TENM3: variants seen among roughly 807,000 people sequenced by gnomAD.
TENM3 encodes teneurin-3.
A neutral mutation model predicts 255.1 loss-of-function variants in TENM3; 63 were observed. The ratio of observed to expected loss-of-function variants is 0.25; its 90% CI spans 0.20 to 0.30. The LOEUF (loss-of-function observed/expected upper bound fraction) is 0.30, where lower values mean the gene tolerates loss of function less well. Among genes scored for constraint, TENM3 ranks in the 10% least tolerant of loss-of-function variants. TENM3 has a pLI of 1.00. For missense variants in TENM3, 2,929 were observed against 3,461.1 expected (o/e 0.85, Z 3.86); for synonymous variants, 1,306 against 1,322.3 (o/e 0.99, Z 0.27).
At chr4:181,943,825 G>A in the TENM3 span, among the ~76,000 whole-genome samples, 1 of 152,102 alleles carries the variant, frequency 6.6e-6, no homozygotes, top group Non-Finnish European at 1.5e-5. Flanking sequence ...CAATTTTTTG[G>A]TCTGACACGT....
At chr4:182,712,441 A>G (rs540245465) in intron 12 of TENM3, among the ~76,000 whole-genome samples, 1 of 152,112 alleles carries the variant, frequency 6.6e-6, no homozygotes, top group East Asian at 1.9e-4. Flanking sequence ...AAAAAAAAAA[A>G]AAAAAAAACA....
chr4:181,698,530 C>G, the TENM3 span, among the ~76,000 whole-genome samples: 42 of 152,244 alleles, frequency 2.8e-4, 1 homozygote, highest in South Asian at 8.7e-3. Context: ...TAGTAGCCCT[C>G]TTATTCAGAG....
At chr4:181,638,401 G>GC in the TENM3 span, among the ~76,000 whole-genome samples, 2 of 152,136 alleles carry the variant, frequency 1.3e-5, no homozygotes. Flanking sequence ...AATACTTAAT[G>GC]CCCCCCTGTG....
intron 19 of TENM3, among the ~76,000 whole-genome samples, chr4:182,744,979 G>T (rs566306797): frequency 6.6e-6 from 1 of 152,156 alleles, no homozygotes; most frequent in Non-Finnish European, 1.5e-5. Flanking sequence ...ATGTTTTAAA[G>T]TAAAGCTGGC....
At chr4:182,765,299 A>G (rs139749533) in intron 22 of TENM3, among the ~76,000 whole-genome samples, 1 of 152,324 alleles carries the variant, frequency 6.6e-6, no homozygotes, top group African/African-American at 2.4e-5. Context: ...GTGAGTTTAC[A>G]GACTGGAGTT....
chr4:182,738,407 T>C lies in TENM3; in HGVS notation c.3242T>C (p.Val1081Ala), dbSNP rs1761338116. ...VYGLSEAVVSVGYEYESCLDL... is the reference protein window; with the variant it reads ...VYGLSEAVVSAGYEYESCLDL... ...TGATTTGTTTGGATTCCAGTGTCAG[T>C]TGGATATGAGTATGAGTCGTGTTTG... The change falls in exon 18 of 28, where the codon GTT becomes GCT. Residue 1081 changes from valine (V) to alanine (A), a missense_variant. Physicochemically the swap from Val to Ala is moderately conservative, Grantham distance 64. Transcript: ENST00000511685. The C allele has an allele frequency of 3.1e-6, 5 of 1,605,080 alleles. No individual in the cohort carries two copies. The highest frequency in any genetic ancestry group is 4.3e-6 in the Non-Finnish European group (5 of 1,175,810).
intron 3 of TENM3, among the ~76,000 whole-genome samples, chr4:182,516,158 T>C (rs569268530): frequency 2.0e-5 from 3 of 152,340 alleles, no homozygotes; most frequent in African/African-American, 7.2e-5. Flanking sequence ...GGTTAATTAA[T>C]GTGAGTGAGT....
At chr4:181,934,988 T>A in the TENM3 span, among the ~76,000 whole-genome samples, 1 of 152,214 alleles carries the variant, frequency 6.6e-6, no homozygotes, top group Non-Finnish European at 1.5e-5. Context: ...GGATTCTGCT[T>A]CTTCCCTGAG....
the TENM3 span, among the ~76,000 whole-genome samples, chr4:181,825,157 C>G: frequency 6.6e-6 from 1 of 152,184 alleles, no homozygotes; most frequent in Non-Finnish European, 1.5e-5. Context: ...AATCCCAGCA[C>G]TTTGGGAGGC....
At chr4:181,980,559 G>T in the TENM3 span, among the ~76,000 whole-genome samples, 71 of 152,164 alleles carry the variant, frequency 4.7e-4, 1 homozygote, top group Admixed American at 1.6e-3. Flanking sequence ...ATTGAAGGGT[G>T]ATATTGGACC....
the TENM3 span, among the ~76,000 whole-genome samples, chr4:181,479,013 A>G: frequency 6.6e-6 from 1 of 152,208 alleles, no homozygotes; most frequent in Non-Finnish European, 1.5e-5. Context: ...AGTAGAGAGA[A>G]ATGACACATC....
intron 3 of TENM3, among the ~76,000 whole-genome samples, chr4:182,506,000 C>T (rs1018540633): frequency 1.3e-5 from 2 of 152,082 alleles, no homozygotes; most frequent in South Asian, 4.1e-4. Flanking sequence ...CATATAAAAT[C>T]CCAGAATGTT....
the TENM3 span, among the ~76,000 whole-genome samples, chr4:182,071,519 C>T: frequency 6.7e-6 from 1 of 149,020 alleles, no homozygotes; most frequent in Non-Finnish European, 1.5e-5. Flanking sequence ...GATCTCGGCT[C>T]GCTGCAACCT....
At chr4:182,773,808 T>C in intron 23 of TENM3, 161 bp downstream of exon 23, 1 of 538,432 alleles carries the variant, frequency 1.9e-6, no homozygotes, top group Non-Finnish European at 3.1e-6. Flanking sequence ...TTTATTTACT[T>C]GTATAGACAT....
intron 22 of TENM3, among the ~76,000 whole-genome samples, chr4:182,767,590 G>T (rs939312596): frequency 1.3e-5 from 2 of 151,858 alleles, no homozygotes; most frequent in Non-Finnish European, 2.9e-5. Flanking sequence ...GTGTTTCTGG[G>T]TGGGTGTGTG....
chr4:182,148,821 T>C (rs971924068), intron 1 of TENM3, among the ~76,000 whole-genome samples: 2 of 152,202 alleles, frequency 1.3e-5, no homozygotes, highest in African/African-American at 4.8e-5. Context: ...TTATCAGCTT[T>C]TAAGTCTCTT....
the TENM3 span, among the ~76,000 whole-genome samples, chr4:181,793,291 G>A: frequency 6.6e-6 from 1 of 152,136 alleles, no homozygotes; most frequent in East Asian, 1.9e-4. Flanking sequence ...ATCTTCACCT[G>A]GTGTTTTTGA....
chr4:182,486,406 A>G (rs980273047), intron 3 of TENM3, among the ~76,000 whole-genome samples: 5 of 152,138 alleles, frequency 3.3e-5, no homozygotes, highest in African/African-American at 9.7e-5. Flanking sequence ...AAGGAACTAT[A>G]TTAACTGGCT....
intron 1 of TENM3, among the ~76,000 whole-genome samples, chr4:182,179,331 A>G (rs1478618131): frequency 6.6e-6 from 1 of 152,152 alleles, no homozygotes; most frequent in Non-Finnish European, 1.5e-5. Flanking sequence ...CTTGGAACCT[A>G]TGGCCAGGAT....
Sources: allele counts gnomAD v4.1 joint callset (sites outside exome capture counted in the v4.1 genomes callset), GRCh38; gene constraint gnomAD v4.1.1; transcripts MANE v1.5; gene names NCBI Gene and HGNC (gene_info 2026-07-23, HGNC 2026-07-21).